Variants in RCAN3 observed in about 807,000 individuals in gnomAD.
The protein encoded by RCAN3 is regulator of calcineurin 3.
Under a neutral mutation model 21.9 loss-of-function variants are expected in RCAN3, and 19 were observed. The ratio of observed to expected loss-of-function variants is 0.87; its 90% confidence interval spans 0.61 to 1.27. The LOEUF is 1.27. RCAN3 is among the 50% of genes most tolerant of loss of function. The probability of loss-of-function intolerance (pLI) is 0.00; values close to 1 mark genes in which losing one functional copy is unlikely to be tolerated. For synonymous variants in RCAN3, 114 were observed against 112.3 expected (o/e 1.01, Z -0.09); for missense variants, 240 against 300.1 (o/e 0.80, Z 1.48).
chr1:24,530,747 A>G (rs1432065137), intron 2 of RCAN3, among the ~76,000 whole-genome samples: 1 of 152,216 alleles, frequency 6.6e-6, no homozygotes, highest in Non-Finnish European at 1.5e-5. Context: ...TTGGTGGCTC[A>G]CGCCTGTAAT....
chr1:24,521,927 C>T (rs528908255), intron 2 of RCAN3, among the ~76,000 whole-genome samples: 12 of 151,822 alleles, frequency 7.9e-5, no homozygotes, highest in African/African-American at 2.9e-4. Flanking sequence ...AAAATATTTA[C>T]AGTTTAATGT....
chr1:24,516,742 G>A (rs939980880), intron 2 of RCAN3, among the ~76,000 whole-genome samples: 1 of 152,152 alleles, frequency 6.6e-6, no homozygotes, highest in Non-Finnish European at 1.5e-5. Context: ...GCAGAGTGAT[G>A]GGAGAAGAGG....
At position 24,538,121 on chromosome 1, in the gene RCAN3, A is replaced by C. The variant is rs1441592091; in HGVS notation, c.*2844A>C. On this transcript the variant is annotated 3_prime_UTR_variant, in exon 5 of 5. Coordinates refer to ENST00000374395, the MANE Select transcript of RCAN3 (RefSeq NM_013441.4). ...TGGCTCTTAGGTTCTAGATTTTTGT[A>C]GCACACTCACCTGATGAAACCAAAG... 3 of 152,234 alleles carry C rather than the reference A, an allele frequency of 2.0e-5. No individual in the cohort carries two copies. The highest frequency in any genetic ancestry group is 2.0e-4 in the Admixed American group (3 of 15,276). The allele number at this position is 152,234 out of a possible 1,614,324, so 9.4% of individuals were successfully genotyped here.
Position 24,540,353 on chromosome 1 carries a change from A to G in RCAN3, c.*5076A>G, listed in dbSNP as rs886629979. 6 of 152,290 alleles carry G rather than the reference A, an allele frequency of 3.9e-5. No individual in the cohort carries two copies. The highest frequency in any genetic ancestry group is 1.4e-4 in the African/African-American group (6 of 41,426). The allele number at this position is 152,290 out of a possible 1,614,324, so 9.4% of individuals were successfully genotyped here. A position where few individuals can be genotyped will look rare whatever the true frequency, so the allele number is the denominator to read the frequency against. On this transcript the variant is annotated 3_prime_UTR_variant, in exon 5 of 5. Transcript: ENST00000374395. The stretch of plus-strand genomic sequence containing the variant: ...ATGTGGTCTGTCTGGATGTAAACCT[A>G]TATATTTCCTTTTGAAACAGAATCA...
rs1436209789 is a variant in RCAN3 at position 24,540,592 on chromosome 1, C to T, written c.*5315C>T. 6.6e-6 allele frequency: 1 copy of T among 152,160 alleles called. No individual in the cohort carries two copies. Among genetic ancestry groups the T allele is most frequent in the African/African-American group, 2.4e-5 (1 of 41,440 alleles). The allele number at this position is 152,160 out of a possible 1,614,324, so 9.4% of individuals were successfully genotyped here. A position where few individuals can be genotyped will look rare whatever the true frequency, so the allele number is the denominator to read the frequency against. Reference sequence around the variant, plus strand: ...TTCTTCTTGCTGCTTTTCAACCCCACGTGATTGTTGATTGACGGTTCTGCT... The same window carrying T: ...TTCTTCTTGCTGCTTTTCAACCCCATGTGATTGTTGATTGACGGTTCTGCT... On this transcript the variant is annotated 3_prime_UTR_variant, in exon 5 of 5. Coordinates refer to ENST00000374395, the MANE Select transcript of RCAN3 (RefSeq NM_013441.4).
rs1650354233 is a variant in RCAN3, at chr1:24,538,613, C to A, written c.*3336C>A. The A allele has an allele frequency of 6.8e-6, 1 of 147,284 alleles. No homozygotes were observed. Among genetic ancestry groups the A allele is most frequent in the African/African-American group, 2.6e-5 (1 of 38,420 alleles). 9.1% of individuals were successfully genotyped at this position (147,284 alleles called of 1,614,324 possible). A position where few individuals can be genotyped will look rare whatever the true frequency, so the allele number is the denominator to read the frequency against. ...TTTTATAAGTAGAGACGGGGTTTCA[C>A]CACGTTAGCCAGGATGGTCTCGATC... On this transcript the variant is annotated 3_prime_UTR_variant, in exon 5 of 5. Transcript: ENST00000374395.
chr1:24,507,686 C>T (rs936361654), intron 1 of RCAN3: 1 of 152,232 alleles, frequency 6.6e-6, no homozygotes, highest in African/African-American at 2.4e-5. Flanking sequence ...CCCGCTTCCG[C>T]AGGGCCCCTT....
At chr1:24,517,587 C>T (rs1648446055) in intron 2 of RCAN3, among the ~76,000 whole-genome samples, 2 of 152,102 alleles carry the variant, frequency 1.3e-5, no homozygotes, top group African/African-American at 2.4e-5. Context: ...AGCAGTTCAG[C>T]GGACTTCCTA....
At chr1:24,529,408 G>GA (rs948900112) in intron 2 of RCAN3, among the ~76,000 whole-genome samples, 5 of 150,096 alleles carry the variant, frequency 3.3e-5, no homozygotes, top group African/African-American at 4.9e-5. Context: ...GAAAAAAAAA[G>GA]AAAAAAAGCC....
Position 24,503,091 on chromosome 1 carries a change from C to T in RCAN3, c.-119C>T, listed in dbSNP as rs1237749708. On this transcript the variant is annotated 5_prime_UTR_variant, in exon 1 of 5. Coordinates refer to ENST00000374395, the MANE Select transcript of RCAN3 (RefSeq NM_013441.4). The stretch of plus-strand genomic sequence containing the variant: ...GGGCCCGTCCGCTGCCCTCCCGGCT[C>T]CCGTCCTGCGGCGGCGGGGCGTGCA... The T allele has an allele frequency of 6.7e-6, 1 of 149,620 alleles. No individual in the cohort carries two copies. Among genetic ancestry groups the T allele is most frequent in the African/African-American group, 2.4e-5 (1 of 41,080 alleles). 9.3% of individuals were successfully genotyped at this position (149,620 alleles called of 1,614,324 possible).
chr1:24,531,117 T>G, intron 2 of RCAN3, 101 bp from the exon 3 acceptor site: 1 of 825,780 alleles, frequency 1.2e-6, no homozygotes, highest in South Asian at 2.5e-5. Flanking sequence ...TTATAATGAG[T>G]TCTTAATTAG....
intron 2 of RCAN3, among the ~76,000 whole-genome samples, chr1:24,526,249 G>T (rs1288362986): frequency 6.6e-6 from 1 of 152,040 alleles, no homozygotes; most frequent in Non-Finnish European, 1.5e-5. Flanking sequence ...ATGCCACCAT[G>T]CCTGGCTAAT....
At position 24,538,419 on chromosome 1, in the gene RCAN3, T is replaced by G. The variant is rs1464779734; in HGVS notation, c.*3142T>G. On this transcript the variant is annotated 3_prime_UTR_variant, in exon 5 of 5. Coordinates refer to ENST00000374395, the MANE Select transcript of RCAN3 (RefSeq NM_013441.4). Reference sequence around the variant, plus strand: ...TTATTTTTATTTATTTATTTATTTATTTTGAGACAGAGTCTCACTCTGTCG... The same window carrying G: ...TTATTTTTATTTATTTATTTATTTAGTTTGAGACAGAGTCTCACTCTGTCG... 6.6e-6 allele frequency: 1 copy of G among 151,714 alleles called. No individual in the cohort carries two copies. The highest frequency in any genetic ancestry group is 6.6e-5 in the Admixed American group (1 of 15,254). The allele number at this position is 151,714 out of a possible 1,614,324, so 9.4% of individuals were successfully genotyped here.
intron 3 of RCAN3, among the ~76,000 whole-genome samples, chr1:24,531,860 G>A (rs1411213078): frequency 6.6e-6 from 1 of 152,166 alleles, no homozygotes; most frequent in Non-Finnish European, 1.5e-5. Context: ...AAATTGCAGA[G>A]GACCCTGTAG....
Position 24,535,447 on chromosome 1 carries a change from A to T in RCAN3, c.*170A>T. The stretch of plus-strand genomic sequence containing the variant: ...ACACGGTCGTGTAGAGTAGCAGCTG[A>T]TTTGACCTGTCCCAGATTTTAAGTG... On this transcript the variant is annotated 3_prime_UTR_variant, in exon 5 of 5. Coordinates refer to ENST00000374395, the MANE Select transcript of RCAN3 (RefSeq NM_013441.4). 1 of 579,362 alleles carries T rather than the reference A, an allele frequency of 1.7e-6. No individual in the cohort carries two copies. Among genetic ancestry groups the T allele is most frequent in the Non-Finnish European group, 2.6e-6 (1 of 380,546 alleles). The allele number at this position is 579,362 out of a possible 1,614,324, so 35.9% of individuals were successfully genotyped here.
chr1:24,514,344 C>T lies in RCAN3; in HGVS notation c.-29C>T, dbSNP rs1416689085. On this transcript the variant is annotated 5_prime_UTR_variant, in exon 2 of 5. Transcript: ENST00000374395. ...GCCTGATAGACATCCTAGGACTATA[C>T]AGAAGGAAAAGGCCCACTTTGGGGG... 1.6e-5 allele frequency: 25 copies of T among 1,593,556 alleles called. No individual in the cohort carries two copies. The highest frequency in any genetic ancestry group is 5.1e-6 in the Non-Finnish European group (6 of 1,169,614).
chr1:24,526,058 G>C (rs196412), intron 2 of RCAN3, among the ~76,000 whole-genome samples: 70,262 of 151,916 alleles, frequency 0.46, 16,592 homozygotes, highest in East Asian at 0.73. Flanking sequence ...GTAAAAGCTT[G>C]CTAATCGGTT....
At chr1:24,528,271 A>G (rs1023379792) in intron 2 of RCAN3, among the ~76,000 whole-genome samples, 2 of 151,766 alleles carry the variant, frequency 1.3e-5, no homozygotes, top group African/African-American at 4.8e-5. Context: ...AAAAAAAGAA[A>G]AAAAGAAAAA....
At chr1:24,516,797 G>A (rs947601487) in intron 2 of RCAN3, among the ~76,000 whole-genome samples, 1 of 152,174 alleles carries the variant, frequency 6.6e-6, no homozygotes, top group African/African-American at 2.4e-5. Flanking sequence ...CCCGCCTGGA[G>A]ATGACCCACC....
Sources: gnomAD v4.1 joint callset for allele counts (sites outside exome capture counted in the v4.1 genomes callset) on GRCh38, gnomAD v4.1.1 for gene constraint, MANE v1.5 for transcripts, NCBI Gene and HGNC (gene_info 2026-07-23, HGNC 2026-07-21) for gene names.